The following DGKB variants were observed in gnomAD, a reference collection of about 807,000 sequenced individuals.
The protein encoded by DGKB is diacylglycerol kinase beta, also known as 90 kDa diacylglycerol kinase.
Under a neutral mutation model 114.3 loss-of-function variants are expected in DGKB, and 67 were observed. The observed-to-expected ratio is 0.59, with a 90% CI of 0.48 to 0.72. DGKB has a LOEUF of 0.72. Ranked by LOEUF, DGKB falls within the 30% of genes least tolerant of loss-of-function variation. The pLI is 0.00. For synonymous variants in DGKB, 398 were observed against 323.1 expected (o/e 1.23, Z -2.49); for missense variants, 907 against 975.2 (o/e 0.93, Z 0.93).
At chr7:14,598,665 A>T (rs997922605) in intron 17 of DGKB, among the ~76,000 whole-genome samples, 1 of 152,218 alleles carries the variant, frequency 6.6e-6, no homozygotes, top group Admixed American at 6.5e-5. Context: ...TTTATTTAAA[A>T]GACATTTTAT....
intron 20 of DGKB, among the ~76,000 whole-genome samples, chr7:14,484,591 A>G (rs1783491497): frequency 6.6e-6 from 1 of 152,152 alleles, no homozygotes. Context: ...TCAGGCTTCA[A>G]CAGAAGCTTA....
intron 4 of DGKB, chr7:14,750,316 CTGCCGTT>C: frequency 1.7e-5 from 7 of 419,152 alleles, no homozygotes; most frequent in Admixed American, 1.4e-4. Flanking sequence ...TCAAATTGGT[CTGCCGTT>C]TGAGAAAAAA....
Position 14,694,060 on chromosome 7 carries a change from T to C in DGKB, c.711+15A>G. 2 of 1,569,170 alleles carry C rather than the reference T, an allele frequency of 1.3e-6. No individual in the cohort carries two copies. Among genetic ancestry groups the C allele is most frequent in the South Asian group, 1.2e-5 (1 of 85,370 alleles). On this transcript the variant is annotated intron_variant, in intron 9 of 25. Coordinates refer to ENST00000402815, the MANE Select transcript of DGKB (RefSeq NM_001350709.2). The stretch of plus-strand genomic sequence containing the variant: ...GACTCACCACCAGGCCACCCTCCTC[T>C]GTGGAAATGCTTACATTTTCTAAGC...
chr7:14,833,743 A>T (rs1846752943), intron 2 of DGKB, among the ~76,000 whole-genome samples: 1 of 152,028 alleles, frequency 6.6e-6, no homozygotes. Flanking sequence ...CACACACATC[A>T]AGTTCTTCCC....
At chr7:14,865,634 C>A (rs190063870) in intron 1 of DGKB, among the ~76,000 whole-genome samples, 4 of 152,228 alleles carry the variant, frequency 2.6e-5, no homozygotes, top group Admixed American at 2.6e-4. Context: ...CTTGGCTGAA[C>A]TTTGGTGGAT....
chr7:14,375,228 C>T (rs1203601880), intron 21 of DGKB, among the ~76,000 whole-genome samples: 1 of 152,214 alleles, frequency 6.6e-6, no homozygotes, highest in Non-Finnish European at 1.5e-5. Flanking sequence ...AACACCCAGA[C>T]CTCGTTGGAG....
chr7:14,769,593 G>T (rs1371983814), intron 2 of DGKB, among the ~76,000 whole-genome samples: 1 of 151,556 alleles, frequency 6.6e-6, no homozygotes, highest in Non-Finnish European at 1.5e-5. Flanking sequence ...CTATTTATTT[G>T]TTTCCTAGGG....
chr7:14,684,961 T>A (rs1821422213), intron 10 of DGKB, among the ~76,000 whole-genome samples: 1 of 151,946 alleles, frequency 6.6e-6, no homozygotes, highest in African/African-American at 2.4e-5. Flanking sequence ...TTCAAAATAA[T>A]CCCTGAAGAA....
intron 20 of DGKB, among the ~76,000 whole-genome samples, chr7:14,532,280 C>A (rs1323465383): frequency 6.8e-6 from 1 of 148,022 alleles, no homozygotes; most frequent in African/African-American, 2.5e-5. Flanking sequence ...AGATGGAAAA[C>A]CAACCATATC....
rs145243639 is a variant in DGKB at position 14,275,293 on chromosome 7, G to T, written c.2122+63222C>A. Among the ~76,000 whole-genome samples, 568 of 152,120 alleles carry T rather than the reference G, an allele frequency of 3.7e-3. 7 individuals are homozygous for T. The highest frequency in any genetic ancestry group is 0.013 in the African/African-American group (543 of 41,510). Reference sequence around the variant, plus strand: ...TTTATAGTCCCAACTCCTAATACAGGCCCTGGTATAGGGTTGACACACAAT... The same window carrying T: ...TTTATAGTCCCAACTCCTAATACAGTCCCTGGTATAGGGTTGACACACAAT... On this transcript the variant is annotated intron_variant, in intron 23 of 25. Transcript: ENST00000402815.
intron 21 of DGKB, among the ~76,000 whole-genome samples, chr7:14,441,668 T>A (rs1830109182): frequency 6.6e-6 from 1 of 152,110 alleles, no homozygotes; most frequent in African/African-American, 2.4e-5. Flanking sequence ...GAAATAATAA[T>A]TGTGAGCATT....
At chr7:14,749,923 C>G (rs368537792) in intron 4 of DGKB, among the ~76,000 whole-genome samples, 2 of 152,178 alleles carry the variant, frequency 1.3e-5, no homozygotes, top group African/African-American at 4.8e-5. Flanking sequence ...CCATGCAAAA[C>G]TTCTCTTTCC....
At chr7:14,535,185 A>G (rs1792230322) in intron 20 of DGKB, among the ~76,000 whole-genome samples, 2 of 152,084 alleles carry the variant, frequency 1.3e-5, no homozygotes, top group Admixed American at 6.6e-5. Flanking sequence ...CCTTGTCAAC[A>G]CAGTGAGAAC....
At chr7:14,209,377 G>C (rs1385946912) in intron 23 of DGKB, 1 of 462,322 alleles carries the variant, frequency 2.2e-6, no homozygotes, top group Non-Finnish European at 4.4e-6. Context: ...TACAGACACT[G>C]CTTGCAACTA....
intron 13 of DGKB, among the ~76,000 whole-genome samples, chr7:14,645,870 C>T (rs916587018): frequency 3.3e-4 from 50 of 151,870 alleles, no homozygotes; most frequent in Admixed American, 2.5e-3. Flanking sequence ...ATGATATCTG[C>T]CATTATGATA....
intron 23 of DGKB, among the ~76,000 whole-genome samples, chr7:14,239,561 C>A (rs995175247): frequency 6.6e-6 from 1 of 151,900 alleles, no homozygotes; most frequent in South Asian, 2.1e-4. Flanking sequence ...TTCATTATGT[C>A]CTCTAATCTT....
intron 23 of DGKB, among the ~76,000 whole-genome samples, chr7:14,188,904 A>AG (rs1783884784): frequency 6.6e-6 from 1 of 152,102 alleles, no homozygotes. Flanking sequence ...AAGAAAAAAA[A>AG]GCTGTCAGTT....
chr7:14,493,425 T>C (rs972789933), intron 20 of DGKB, among the ~76,000 whole-genome samples: 1 of 152,094 alleles, frequency 6.6e-6, no homozygotes, highest in Non-Finnish European at 1.5e-5. Context: ...AGAACAATTA[T>C]CACATATACT....
intron 20 of DGKB, among the ~76,000 whole-genome samples, chr7:14,481,277 G>A (rs756314296): frequency 7.3e-5 from 11 of 151,664 alleles, no homozygotes; most frequent in Non-Finnish European, 1.5e-4. Context: ...AAGTAAAATT[G>A]CCCTAAATCT....
Sources: gnomAD v4.1 joint callset for allele counts (sites outside exome capture counted in the v4.1 genomes callset) on GRCh38, gnomAD v4.1.1 for gene constraint, MANE v1.5 for transcripts, NCBI Gene and HGNC (gene_info 2026-07-23, HGNC 2026-07-21) for gene names.